Variants in AKAP11 observed in about 807,000 individuals in gnomAD.
AKAP11 encodes A-kinase anchor protein 11.
AKAP11 carries 36 observed loss-of-function variants against 146.1 expected under a neutral mutation model. The observed-to-expected ratio is 0.25, with a 90% CI of 0.19 to 0.33. The LOEUF (loss-of-function observed/expected upper bound fraction) is 0.33. AKAP11 is among the 10% of genes least tolerant of loss of function. The probability of loss-of-function intolerance (pLI) is 1.00; values close to 1 mark genes in which losing one functional copy is unlikely to be tolerated. For missense variants in AKAP11, 2,201 were observed against 2,197.0 expected (o/e 1.00, Z -0.04); for synonymous variants, 780 against 786.5 (o/e 0.99, Z 0.14).
chr13:42,315,727 G>C (rs1478540601), intron 11 of AKAP11, among the ~76,000 whole-genome samples: 1 of 152,032 alleles, frequency 6.6e-6, no homozygotes, highest in African/African-American at 2.4e-5. Flanking sequence ...TGAGATTATA[G>C]GTATTTCTCA....
chr13:42,321,602 T>C lies in AKAP11; in HGVS notation c.*2374T>C, dbSNP rs1961089990. 1 of 152,260 alleles carries C rather than the reference T, an allele frequency of 6.6e-6. No homozygotes were observed. The highest frequency in any genetic ancestry group is 1.5e-5 in the Non-Finnish European group (1 of 68,002). The allele number at this position is 152,260 out of a possible 1,614,324, so 9.4% of individuals were successfully genotyped here. ...CTCATATAGAGAAAATAATTTTGAG[T>C]TTAGAGTATTATCTTTTAATTAAGT... On this transcript the variant is annotated 3_prime_UTR_variant, in exon 13 of 13. Transcript: ENST00000025301.
chr13:42,283,346 G>A (rs549725807), intron 1 of AKAP11, among the ~76,000 whole-genome samples: 2 of 152,250 alleles, frequency 1.3e-5, no homozygotes, highest in East Asian at 1.9e-4. Flanking sequence ...TGAATTCTGA[G>A]ATAATGTGAG....
At chr13:42,316,404 A>G (rs985420830) in intron 11 of AKAP11, among the ~76,000 whole-genome samples, 1 of 152,246 alleles carries the variant, frequency 6.6e-6, no homozygotes, top group Non-Finnish European at 1.5e-5. Context: ...CTCAGGTATC[A>G]TTAAGCAGCA....
At chr13:42,274,021 A>G (rs984556692) in intron 1 of AKAP11, among the ~76,000 whole-genome samples, 1 of 152,204 alleles carries the variant, frequency 6.6e-6, no homozygotes, top group Non-Finnish European at 1.5e-5. Context: ...ATCTTAGCAA[A>G]CTAATTTTCA....
chr13:42,313,255 A>T, intron 10 of AKAP11, 125 bp downstream of exon 10: 1 of 667,068 alleles, frequency 1.5e-6, no homozygotes, highest in African/African-American at 1.9e-5. Flanking sequence ...CTATATTTTG[A>T]CATGATTCTG....
Position 42,319,128 on chromosome 13 carries a change from A to G in AKAP11, c.5606A>G (p.Asp1869Gly). 1 of 1,613,882 alleles carries G rather than the reference A, an allele frequency of 6.2e-7. No individual in the cohort carries two copies. The highest frequency in any genetic ancestry group is 8.5e-7 in the Non-Finnish European group (1 of 1,179,916). The stretch of plus-strand genomic sequence containing the variant: ...CAAGAGAAAGGATGGAAAGTGGGAG[A>G]CCTCCTGCAGGCTGTGCTTCAATAC... ...QLQEKGWKVG[D>G]LLQAVLQYYE... is the part of the protein sequence containing the mutation. Residue 1869 changes from aspartate to glycine, a missense_variant, in exon 13 of 13, where the codon GAC becomes GGC. Transcript: ENST00000025301.
chr13:42,300,951 A>G lies in AKAP11; in HGVS notation c.2205A>G (p.Pro735=), dbSNP rs1408512945. 2.5e-6 allele frequency: 4 copies of G among 1,614,174 alleles called. No individual in the cohort carries two copies. Among genetic ancestry groups the G allele is most frequent in the African/African-American group, 1.3e-5 (1 of 75,070 alleles). The stretch of plus-strand genomic sequence containing the variant: ...ATGTGAGTGCAGAAAGTGTAGTGCC[A>G]TCGACACAGGCTGTCACGTTTTCCC... The part of the protein sequence containing the change: ...IKYVSAESVV[P]STQAVTFSPS... The change falls in exon 8 of 13, where the codon CCA becomes CCG. Residue 735 remains proline, a synonymous_variant. Coordinates refer to ENST00000025301, the MANE Select transcript of AKAP11 (RefSeq NM_016248.4).
chr13:42,316,083 C>T (rs867075863), intron 11 of AKAP11, among the ~76,000 whole-genome samples: 24 of 152,098 alleles, frequency 1.6e-4, no homozygotes, highest in African/African-American at 5.1e-4. Context: ...ATGCCTTGTA[C>T]CATGGTATGC....
At chr13:42,315,770 G>A (rs562908595) in intron 11 of AKAP11, among the ~76,000 whole-genome samples, 27 of 152,292 alleles carry the variant, frequency 1.8e-4, no homozygotes, top group Non-Finnish European at 3.2e-4. Context: ...CTTTAAATTT[G>A]TTAGAGATTG....
chr13:42,271,883 C>T, upstream of AKAP11, among the ~76,000 whole-genome samples: 1 of 151,704 alleles, frequency 6.6e-6, no homozygotes, highest in East Asian at 1.9e-4. Flanking sequence ...CCGCGGGCTG[C>T]ACTGGAGCAC....
At position 42,307,772 on chromosome 13, in the gene AKAP11, C is replaced by T. The variant is rs190512769; in HGVS notation, c.5118-682C>T. On this transcript the variant is annotated intron_variant, in intron 8 of 12. Coordinates refer to ENST00000025301, the MANE Select transcript of AKAP11 (RefSeq NM_016248.4). ...GTATGTTTTAAGGATTTGGGCTCTT[C>T]GGCTTGGTGGGAAGCCATTGGAAGG... is the stretch of plus-strand genomic sequence containing the variant. 1.5e-4 allele frequency among the ~76,000 whole-genome samples: 23 copies of T among 152,086 alleles called. 1 individual carries two copies. The highest frequency in any genetic ancestry group is 1.0e-3 in the Admixed American group (16 of 15,274).
At chr13:42,271,866 G>C (rs1958773821), upstream of AKAP11, among the ~76,000 whole-genome samples, 3 of 151,722 alleles carry the variant, frequency 2.0e-5, no homozygotes, top group Non-Finnish European at 4.4e-5. Context: ...CTGCCCCGCG[G>C]GCTGCTCCGC....
At chr13:42,284,614 A>T (rs1959131123) in intron 1 of AKAP11, among the ~76,000 whole-genome samples, 1 of 152,210 alleles carries the variant, frequency 6.6e-6, no homozygotes, top group South Asian at 2.1e-4. Context: ...TAAATATTTA[A>T]GTCTTCTTTT....
chr13:42,315,892 A>G (rs1467034433), intron 11 of AKAP11, among the ~76,000 whole-genome samples: 1 of 152,206 alleles, frequency 6.6e-6, no homozygotes, highest in Admixed American at 6.5e-5. Flanking sequence ...GCAGGATGTC[A>G]GTCCCTCCCC....
rs238336 is a variant in AKAP11 at position 42,316,308 on chromosome 13, A to C, written c.5405-1220A>C. On this transcript the variant is annotated intron_variant, in intron 11 of 12. Transcript: ENST00000025301. ...CCTTCCATTACTGGTACATGTTGGC[A>C]TGATGTCTGCCAGCATGCCCTGGTG... Among the ~76,000 whole-genome samples the C allele has an allele frequency of 7.0e-3, 1,061 of 152,272 alleles. 12 individuals are homozygous for C. Among genetic ancestry groups the C allele is most frequent in the African/African-American group, 0.024 (1,014 of 41,538 alleles).
In AKAP11 at chr13:42,317,672, A is replaced by T. The variant is rs1050019967; in HGVS notation, c.5549A>T (p.Asn1850Ile). ...GAACTTTATTTTCATGACTCTGCAAATAAGGAGTTTATGCTAGTAAGTACC... is the reference window on the plus strand; with the variant it reads ...GAACTTTATTTTCATGACTCTGCAATTAAGGAGTTTATGCTAGTAAGTACC... ...VAELYFHDSA[N>I]KEFMLLSKQL... The change falls in exon 12 of 13, where the codon AAT becomes ATT. Residue 1850 changes from asparagine (N) to isoleucine (I), a missense_variant. Transcript: ENST00000025301. 7 of 1,613,980 alleles carry T rather than the reference A, an allele frequency of 4.3e-6. No homozygotes were observed. The highest frequency in any genetic ancestry group is 5.9e-6 in the Non-Finnish European group (7 of 1,179,948).
At position 42,305,480 on chromosome 13, in the gene AKAP11, G is replaced by A. The variant is rs116514283; in HGVS notation, c.5117+1617G>A. ...GTCTGTGGGCCAATGTGGCCTACTG[G>A]TTGTTTTTGTATGGACTGCAAGCTA... On this transcript the variant is annotated intron_variant, in intron 8 of 12. Coordinates refer to ENST00000025301, the MANE Select transcript of AKAP11 (RefSeq NM_016248.4). Among the ~76,000 whole-genome samples the A allele has an allele frequency of 1.8e-3, 279 of 152,072 alleles. 1 individual carries two copies. Among genetic ancestry groups the A allele is most frequent in the African/African-American group, 6.3e-3 (261 of 41,468 alleles).
At chr13:42,284,075 G>T (rs1312992444) in intron 1 of AKAP11, among the ~76,000 whole-genome samples, 4 of 152,114 alleles carry the variant, frequency 2.6e-5, no homozygotes, top group Non-Finnish European at 4.4e-5. Flanking sequence ...TTACTCTGTG[G>T]GCCTGGGCAA....
At chr13:42,291,445 C>T (rs950003593) in intron 3 of AKAP11, among the ~76,000 whole-genome samples, 18 of 151,986 alleles carry the variant, frequency 1.2e-4, no homozygotes, top group Non-Finnish European at 2.5e-4. Context: ...TAAAGACGGG[C>T]TTTCGCTATG....
Sources: allele counts gnomAD v4.1 joint callset (sites outside exome capture counted in the v4.1 genomes callset), GRCh38; gene constraint gnomAD v4.1.1; transcripts MANE v1.5; gene names NCBI Gene and HGNC (gene_info 2026-07-23, HGNC 2026-07-21).